Variants in RALGAPA1 observed in about 807,000 individuals in gnomAD.
RALGAPA1 encodes ral GTPase-activating protein subunit alpha-1.
RALGAPA1 carries 52 observed loss-of-function variants against 269.6 expected under a neutral mutation model. The ratio of observed to expected loss-of-function variants is 0.19; its 90% CI spans 0.15 to 0.24. The LOEUF is 0.24. RALGAPA1 is among the 10% of genes least tolerant of loss of function. The pLI is 1.00. For synonymous variants in RALGAPA1, 817 were observed against 1,008.3 expected (o/e 0.81, Z 3.60); for missense variants, 1,917 against 3,013.9 (o/e 0.64, Z 8.52).
At chr14:35,543,949 A>G (rs1262837369) in intron 41 of RALGAPA1, among the ~76,000 whole-genome samples, 1 of 152,090 alleles carries the variant, frequency 6.6e-6, no homozygotes, top group South Asian at 2.1e-4. Flanking sequence ...GCCAGGAAAT[A>G]ACATAATTTA....
rs550110372 is a variant in RALGAPA1 at position 35,612,695 on chromosome 14, C to T, written c.6930-6986G>A. ...CTGGGACTACAGGCGCCCGCCACCA[C>T]GCCCCGCTAATTTTTTGTATTTTTA... On this transcript the variant is annotated intron_variant, in intron 35 of 41. Coordinates refer to ENST00000680220, the MANE Select transcript of RALGAPA1 (RefSeq NM_001346249.2). Among the ~76,000 whole-genome samples the T allele has an allele frequency of 1.1e-4, 16 of 151,992 alleles. 1 individual carries two copies. The highest frequency in any genetic ancestry group is 2.1e-4 in the South Asian group (1 of 4,810).
At position 35,750,604 on chromosome 14, in the gene RALGAPA1, G is replaced by A. The variant is rs201001637; in HGVS notation, c.889C>T (p.Pro297Ser). 3 of 1,613,072 alleles carry A rather than the reference G, an allele frequency of 1.9e-6. No homozygotes were observed. The highest frequency in any genetic ancestry group is 1.7e-5 in the Admixed American group (1 of 59,942). The change falls in exon 9 of 42, where the codon CCT becomes TCT. Residue 297 changes from proline (P) to serine (S), a missense_variant. This residue lies in a region of RALGAPA1 where 462 missense variants were observed against 725.6 expected (regional missense o/e 0.64). Transcript: ENST00000680220. ...TNEAIYCTKEPFIKARVIVIR... is the reference protein window; with the variant it reads ...TNEAIYCTKESFIKARVIVIR... ...ACAATAACACGAGCCTTAATGAAAG[G>A]CTCCTTTGTACAATAGATTGCTTCA... is the stretch of plus-strand genomic sequence containing the variant.
At chr14:35,684,773 T>G (rs183130235) in intron 20 of RALGAPA1, among the ~76,000 whole-genome samples, 156 bp downstream of exon 20, 1 of 151,882 alleles carries the variant, frequency 6.6e-6, no homozygotes, top group African/African-American at 2.4e-5. Context: ...CCAGACAACA[T>G]AGCAAGACCA....
intron 35 of RALGAPA1, among the ~76,000 whole-genome samples, chr14:35,622,486 A>C (rs1314721338): frequency 6.6e-6 from 1 of 152,240 alleles, no homozygotes; most frequent in Non-Finnish European, 1.5e-5. Flanking sequence ...CACGTTGTGC[A>C]CATGTACCCT....
chr14:35,607,820 A>G (rs368978653), intron 35 of RALGAPA1, among the ~76,000 whole-genome samples: 3 of 152,366 alleles, frequency 2.0e-5, no homozygotes, highest in East Asian at 1.9e-4. Flanking sequence ...GAACTTTAAT[A>G]GAATCAGGAA....
At chr14:35,723,000 T>C (rs780352334) in intron 15 of RALGAPA1, 27 bp downstream of exon 15, 15 of 1,429,576 alleles carry the variant, frequency 1.0e-5, no homozygotes, top group Admixed American at 8.7e-5. Flanking sequence ...CAAATTTATA[T>C]AGAGCATCTC....
intron 41 of RALGAPA1, among the ~76,000 whole-genome samples, chr14:35,546,287 G>T (rs749744648): frequency 2.6e-5 from 4 of 151,884 alleles, no homozygotes; most frequent in Non-Finnish European, 5.9e-5. Context: ...TGATTTGCAC[G>T]TTACCGCTAA....
intron 1 of RALGAPA1, among the ~76,000 whole-genome samples, chr14:35,788,079 C>G (rs539601364): frequency 2.0e-5 from 3 of 152,184 alleles, no homozygotes; most frequent in Non-Finnish European, 4.4e-5. Flanking sequence ...TCAAGCGATT[C>G]TCCTGCCTCA....
intron 12 of RALGAPA1, among the ~76,000 whole-genome samples, chr14:35,736,387 A>C (rs2070998135): frequency 6.6e-6 from 1 of 152,232 alleles, no homozygotes; most frequent in Non-Finnish European, 1.5e-5. Context: ...ATCCTAGACT[A>C]CATATAAAAA....
At chr14:35,637,158 A>G (rs2061712628) in intron 31 of RALGAPA1, among the ~76,000 whole-genome samples, 1 of 152,226 alleles carries the variant, frequency 6.6e-6, no homozygotes, top group African/African-American at 2.4e-5. Context: ...TTCAATGCCC[A>G]CACACCAATG....
At chr14:35,724,998 T>C (rs1032865307) in intron 14 of RALGAPA1, 26 bp downstream of exon 14, 12 of 1,561,126 alleles carry the variant, frequency 7.7e-6, no homozygotes, top group East Asian at 2.3e-5. Flanking sequence ...TATCCAGCTA[T>C]TCATCTATTT....
chr14:35,775,120 AT>A lies in RALGAPA1; in HGVS notation c.218-66del, dbSNP rs1410438484. On this transcript the variant is annotated intron_variant, in intron 2 of 41. Transcript: ENST00000680220. ...TTTGTCCTCATAATGAACTTAAAATATTTCAAGAATGAAGGTTTTTTTTTTC... is the reference window on the plus strand; with the variant it reads ...TTTGTCCTCATAATGAACTTAAAATATTCAAGAATGAAGGTTTTTTTTTTC... 1.8e-5 allele frequency: 17 copies of A among 923,654 alleles called. No homozygotes were observed. The South Asian group carries it at 2.3e-4, about 12-fold the overall frequency. 57.2% of individuals were successfully genotyped at this position (923,654 alleles called of 1,614,324 possible). A position where few individuals can be genotyped will look rare whatever the true frequency, so the allele number is the denominator to read the frequency against.
intron 39 of RALGAPA1, among the ~76,000 whole-genome samples, chr14:35,563,757 T>G (rs2056473676): frequency 6.6e-6 from 1 of 152,162 alleles, no homozygotes; most frequent in African/African-American, 2.4e-5. Flanking sequence ...TCGTCCACTT[T>G]AAATGTTCTT....
At chr14:35,733,332 C>T (rs958820628) in intron 12 of RALGAPA1, among the ~76,000 whole-genome samples, 1 of 151,968 alleles carries the variant, frequency 6.6e-6, no homozygotes, top group Non-Finnish European at 1.5e-5. Context: ...ACAAAATTAG[C>T]CAGGCATGGT....
intron 10 of RALGAPA1, among the ~76,000 whole-genome samples, chr14:35,747,115 A>G (rs2072190390): frequency 6.6e-6 from 1 of 152,022 alleles, no homozygotes; most frequent in African/African-American, 2.4e-5. Context: ...GGAGTTCAAG[A>G]CCAGCCTGGA....
chr14:35,785,195 G>C (rs561490052), intron 1 of RALGAPA1, among the ~76,000 whole-genome samples: 1 of 152,208 alleles, frequency 6.6e-6, no homozygotes, highest in Admixed American at 6.5e-5. Flanking sequence ...ATCTAAAGTG[G>C]CTAAAACAAA....
chr14:35,572,458 C>T, intron 38 of RALGAPA1, 102 bp downstream of exon 38: 1 of 904,230 alleles, frequency 1.1e-6, no homozygotes, highest in Non-Finnish European at 1.6e-6. Flanking sequence ...AGTTTCACAA[C>T]TTGATGCCTA....
chr14:35,801,244 G>GAAACACACACACACACACAC (rs2076952241), intron 1 of RALGAPA1, among the ~76,000 whole-genome samples: 1 of 135,016 alleles, frequency 7.4e-6, no homozygotes, highest in African/African-American at 2.6e-5. Context: ...TATATACACA[G>GAAACACACACACACACACAC]ACACACACAC....
At chr14:35,716,397 CAAAAAA>C (rs78953823) in intron 16 of RALGAPA1, among the ~76,000 whole-genome samples, 1 of 44,620 alleles carries the variant, frequency 2.2e-5, no homozygotes, top group Non-Finnish European at 4.7e-5. Flanking sequence ...GACTCCGTCT[CAAAAAA>C]AAAAAAAAAA....
Sources: allele counts gnomAD v4.1 joint callset (sites outside exome capture counted in the v4.1 genomes callset), GRCh38; gene constraint gnomAD v4.1.1; regional missense constraint gnomAD v4.1.1; transcripts MANE v1.5; gene names NCBI Gene and HGNC (gene_info 2026-07-23, HGNC 2026-07-21).